Variants in KIRREL3 observed in about 807,000 individuals in gnomAD.
The protein encoded by KIRREL3 is kirre like nephrin family adhesion molecule 3.
In KIRREL3, 36 loss-of-function variants were observed where a neutral mutation model predicts 89.7. The observed-to-expected ratio is 0.40, with a 90% CI of 0.31 to 0.53. The LOEUF is 0.53. Ranked by LOEUF, KIRREL3 falls within the 20% of genes least tolerant of loss-of-function variation. The pLI is 0.49. For missense variants in KIRREL3, 864 were observed against 1,056.6 expected (o/e 0.82, Z 2.53); for synonymous variants, 445 against 441.4 (o/e 1.01, Z -0.10).
Position 126,890,398 on chromosome 11 carries a change from G to C in KIRREL3, c.55+110057C>G, listed in dbSNP as rs1280700393. 6.6e-6 allele frequency among the ~76,000 whole-genome samples: 1 copy of C among 152,208 alleles called. No homozygotes were observed. Among genetic ancestry groups the C allele is most frequent in the East Asian group, 1.9e-4 (1 of 5,196 alleles). On this transcript the variant is annotated intron_variant, in intron 1 of 16. Coordinates refer to ENST00000525144, the MANE Select transcript of KIRREL3 (RefSeq NM_032531.4). This position sits in a 1 kb window ranked among gnomAD's most constrained non-coding sequence, Gnocchi z 5.1. ...AGCAGTCCTGCGTGCTCCTGTGGTG[G>C]CCTAATGTGACCTATTATCCAGCAA...
In KIRREL3 at chr11:126,983,409, G is replaced by A. The variant is rs1949768646; in HGVS notation, c.55+17046C>T. Among the ~76,000 whole-genome samples, 1 of 152,190 alleles carries A rather than the reference G, an allele frequency of 6.6e-6. No individual in the cohort carries two copies. Among genetic ancestry groups the A allele is most frequent in the Non-Finnish European group, 1.5e-5 (1 of 68,038 alleles). ...AGACAGAATAATGGCCGCCAAAGAT[G>A]CCCATGTCCTAATCCCTTTACAGGA... On this transcript the variant is annotated intron_variant, in intron 1 of 16. Transcript: ENST00000525144. This position sits in a 1 kb window ranked among gnomAD's most constrained non-coding sequence, Gnocchi z 4.9.
At chr11:126,930,104 TAA>T (rs34362615) in intron 1 of KIRREL3, among the ~76,000 whole-genome samples, 23 of 147,734 alleles carry the variant, frequency 1.6e-4, no homozygotes, top group Middle Eastern at 3.5e-3. Context: ...TTTGTGTGCT[TAA>T]AAAAAAAAAA....
intron 1 of KIRREL3, among the ~76,000 whole-genome samples, chr11:126,959,325 A>T (rs1949015064): frequency 1.3e-5 from 2 of 151,728 alleles, no homozygotes; most frequent in African/African-American, 4.9e-5. Context: ...TCTATCTGGG[A>T]TAAAGACACA....
In KIRREL3 at chr11:126,474,585, G is replaced by A. The variant is rs1957013883; in HGVS notation, c.434-1119C>T. On this transcript the variant is annotated intron_variant, in intron 4 of 16. Transcript: ENST00000525144. This position sits in a 1 kb window ranked among gnomAD's most constrained non-coding sequence, Gnocchi z 6.7. ...CGGCTCCAGCCCCTTCATCCCCAGA[G>A]GCAGCCTGATTCTCTCCTGTCCCAG... is the stretch of plus-strand genomic sequence containing the variant. 6.6e-6 allele frequency among the ~76,000 whole-genome samples: 1 copy of A among 152,238 alleles called. No homozygotes were observed. The highest frequency in any genetic ancestry group is 2.1e-4 in the South Asian group (1 of 4,830).
At chr11:126,675,135 C>T (rs1946130764) in intron 1 of KIRREL3, among the ~76,000 whole-genome samples, 1 of 152,222 alleles carries the variant, frequency 6.6e-6, no homozygotes, top group Admixed American at 6.5e-5. Flanking sequence ...ACCACCCATT[C>T]CTGCTGGTTT....
intron 1 of KIRREL3, among the ~76,000 whole-genome samples, chr11:126,625,839 G>A (rs1166406652): frequency 1.3e-5 from 2 of 152,184 alleles, no homozygotes; most frequent in African/African-American, 2.4e-5. Flanking sequence ...AGAGTTATGA[G>A]TGGTCCTTTC....
At position 126,641,312 on chromosome 11, in the gene KIRREL3, G is replaced by A. The variant is rs2134930032; in HGVS notation, c.56-78400C>T. ...GAGCCTCATCACTTGTTGCTCAGAT[G>A]GTTGTTACAGTCATGGTTCTGGGTT... On this transcript the variant is annotated intron_variant, in intron 1 of 16. Transcript: ENST00000525144. This position sits in a 1 kb window ranked among gnomAD's most constrained non-coding sequence, Gnocchi z 5.0. Among the ~76,000 whole-genome samples, 1 of 151,824 alleles carries A rather than the reference G, an allele frequency of 6.6e-6. No homozygotes were observed. Among genetic ancestry groups the A allele is most frequent in the South Asian group, 2.1e-4 (1 of 4,784 alleles).
chr11:126,532,867 T>C (rs1591690910), intron 2 of KIRREL3, among the ~76,000 whole-genome samples: 2 of 151,890 alleles, frequency 1.3e-5, no homozygotes, highest in East Asian at 3.9e-4. Flanking sequence ...TTACTTATAA[T>C]TATTACTTAA....
chr11:126,657,473 G>C (rs1945201815), intron 1 of KIRREL3, among the ~76,000 whole-genome samples: 1 of 152,202 alleles, frequency 6.6e-6, no homozygotes, highest in Non-Finnish European at 1.5e-5. Flanking sequence ...GCAGGGCACA[G>C]GTCTGAGAGG....
At chr11:126,450,531 GTGTGCATGTGTGTCAA>G (rs1361907061) in intron 7 of KIRREL3, among the ~76,000 whole-genome samples, 10 of 151,656 alleles carry the variant, frequency 6.6e-5, no homozygotes, top group South Asian at 2.1e-4. Context: ...ATCTGCGTAT[GTGTGCATGTGTGTCAA>G]TGTGCATGTG....
In KIRREL3 at chr11:126,563,790, G is replaced by T. The variant is rs1041450404; in HGVS notation, c.56-878C>A. Among the ~76,000 whole-genome samples the T allele has an allele frequency of 1.3e-5, 2 of 152,156 alleles. No homozygotes were observed. The highest frequency in any genetic ancestry group is 4.8e-5 in the African/African-American group (2 of 41,430). ...CACAAGAAGGCAAGCTTTCCTCTCT[G>T]GTATTTGTGCTTTATCCTGATTCAT... On this transcript the variant is annotated intron_variant, in intron 1 of 16. Coordinates refer to ENST00000525144, the MANE Select transcript of KIRREL3 (RefSeq NM_032531.4). The surrounding 1 kb of genome is among the most constrained non-coding windows in gnomAD (Gnocchi z 6.8).
Position 126,791,969 on chromosome 11 carries a change from TCTC to T in KIRREL3, c.55+208483_55+208485del, listed in dbSNP as rs1030716072. Among the ~76,000 whole-genome samples the T allele has an allele frequency of 2.6e-5, 4 of 152,122 alleles. No individual in the cohort carries two copies. Among genetic ancestry groups the T allele is most frequent in the Non-Finnish European group, 4.4e-5 (3 of 68,030 alleles). ...AGGTGAAATTCATTGGTGGTGTGGT[TCTC>T]CTCTTCTCTGTATGCCACTTTTCCC... On this transcript the variant is annotated intron_variant, in intron 1 of 16. Coordinates refer to ENST00000525144, the MANE Select transcript of KIRREL3 (RefSeq NM_032531.4). This position sits in a 1 kb window ranked among gnomAD's most constrained non-coding sequence, Gnocchi z 4.8.
chr11:126,584,947 C>A (rs1252116203), intron 1 of KIRREL3, among the ~76,000 whole-genome samples: 2 of 150,904 alleles, frequency 1.3e-5, no homozygotes, highest in South Asian at 2.1e-4. Context: ...GAGACAGAGT[C>A]TCACTCTGTC....
At position 126,585,314 on chromosome 11, in the gene KIRREL3, A is replaced by G. The variant is rs755053733; in HGVS notation, c.56-22402T>C. On this transcript the variant is annotated intron_variant, in intron 1 of 16. Transcript: ENST00000525144. ...AATGGCGAGATCTCGGCTCACTGCA[A>G]CCTCTGCCTCCCTGATTCAAGTGAT... 1.2e-4 allele frequency among the ~76,000 whole-genome samples: 17 copies of G among 137,764 alleles called. 1 individual carries two copies. The highest frequency in any genetic ancestry group is 1.5e-4 in the Admixed American group (2 of 13,098). 90.4% of individuals were successfully genotyped at this position (137,764 alleles called of 152,430 possible).
In KIRREL3 at chr11:126,814,788, G is replaced by C. The variant is rs1026208264; in HGVS notation, c.55+185667C>G. ...TGATGGGGGTGTGGGTTGGGGGAGG[G>C]AGAGCACTAGGAAGAATAGCTAATG... On this transcript the variant is annotated intron_variant, in intron 1 of 16. Coordinates refer to ENST00000525144, the MANE Select transcript of KIRREL3 (RefSeq NM_032531.4). This position sits in a 1 kb window ranked among gnomAD's most constrained non-coding sequence, Gnocchi z 4.4. Among the ~76,000 whole-genome samples the C allele has an allele frequency of 3.9e-5, 6 of 152,124 alleles. No homozygotes were observed. Among genetic ancestry groups the C allele is most frequent in the Non-Finnish European group, 7.4e-5 (5 of 68,020 alleles).
chr11:126,616,974 A>C (rs1332790552), intron 1 of KIRREL3, among the ~76,000 whole-genome samples: 8 of 152,244 alleles, frequency 5.3e-5, no homozygotes, highest in Non-Finnish European at 1.5e-5. Flanking sequence ...ATTATAAGTG[A>C]AAGCCAGAGA....
Position 126,814,535 on chromosome 11 carries a change from T to C in KIRREL3, c.55+185920A>G, listed in dbSNP as rs2134433713. On this transcript the variant is annotated intron_variant, in intron 1 of 16. Coordinates refer to ENST00000525144, the MANE Select transcript of KIRREL3 (RefSeq NM_032531.4). This position sits in a 1 kb window ranked among gnomAD's most constrained non-coding sequence, Gnocchi z 4.4. ...AATCTACCTAAATGCCCATCAATGA[T>C]AGACTGGATAAAGAAAATGTGATAC... Among the ~76,000 whole-genome samples, 1 of 152,288 alleles carries C rather than the reference T, an allele frequency of 6.6e-6. No individual in the cohort carries two copies. The highest frequency in any genetic ancestry group is 3.4e-3 in the Middle Eastern group (1 of 294).
intron 1 of KIRREL3, among the ~76,000 whole-genome samples, chr11:126,842,719 A>G (rs1232210975): frequency 6.6e-6 from 1 of 152,194 alleles, no homozygotes; most frequent in South Asian, 2.1e-4. Context: ...TGGAGCAACA[A>G]TTAGGGGCTG....
At chr11:126,456,308 G>T in intron 7 of KIRREL3, 41 bp downstream of exon 7, 1 of 1,380,056 alleles carries the variant, frequency 7.2e-7, no homozygotes, top group South Asian at 1.2e-5. Context: ...CGGGGGTGGG[G>T]GCCAGTGGCC....
Sources: gnomAD v4.1 joint callset for allele counts (sites outside exome capture counted in the v4.1 genomes callset) on GRCh38, gnomAD v4.1.1 for gene constraint, Gnocchi (gnomAD v3.1) non-coding constraint, MANE v1.5 for transcripts, NCBI Gene and HGNC (gene_info 2026-07-23, HGNC 2026-07-21) for gene names.